Variants in RALYL observed in about 807,000 individuals in gnomAD.
RALYL encodes RALY RNA binding protein like, also known as RNA-binding Raly-like protein.
A neutral mutation model predicts 35.1 loss-of-function variants in RALYL; 29 were observed. That is an observed-to-expected ratio of 0.83 (90% confidence interval 0.61 to 1.13). The LOEUF is 1.13. Among genes scored for constraint, RALYL ranks in the 50% most tolerant of loss-of-function variants. The pLI, the probability that RALYL is intolerant of heterozygous loss-of-function variation, is 0.00. For missense variants in RALYL, 359 were observed against 360.4 expected (o/e 1.00, Z 0.03); for synonymous variants, 120 against 127.6 (o/e 0.94, Z 0.40).
At chr8:84,197,802 C>A (rs576644171) in intron 1 of RALYL, among the ~76,000 whole-genome samples, 1 of 151,262 alleles carries the variant, frequency 6.6e-6, no homozygotes, top group African/African-American at 2.4e-5. Context: ...AAAAAATAAG[C>A]GAAACTTATT....
intron 1 of RALYL, among the ~76,000 whole-genome samples, chr8:84,353,975 C>G (rs1228849430): frequency 6.7e-6 from 1 of 149,740 alleles, no homozygotes; most frequent in African/African-American, 2.5e-5. Flanking sequence ...TTTTGAAAGT[C>G]TGGAGTTGTT....
chr8:84,845,977 A>C (rs1420455756), intron 4 of RALYL, among the ~76,000 whole-genome samples: 2 of 152,066 alleles, frequency 1.3e-5, no homozygotes, highest in East Asian at 3.9e-4. Flanking sequence ...TAGGTTCTCT[A>C]TCCTGTTCCA....
At chr8:84,592,345 T>C (rs1444169221) in intron 2 of RALYL, among the ~76,000 whole-genome samples, 6 of 152,170 alleles carry the variant, frequency 3.9e-5, no homozygotes, top group African/African-American at 1.4e-4. Context: ...AAAATAACCG[T>C]GCTCACTCTC....
At chr8:84,498,673 T>C (rs139806198) in intron 1 of RALYL, among the ~76,000 whole-genome samples, 17 of 152,284 alleles carry the variant, frequency 1.1e-4, no homozygotes, top group African/African-American at 3.6e-4. Flanking sequence ...TTCTATCTTA[T>C]TCACATCCAC....
In RALYL at chr8:84,849,980, C is replaced by A. The variant is rs182622234; in HGVS notation, c.366C>A (p.Gly122=). The A allele has an allele frequency of 2.0e-6, 3 of 1,474,492 alleles. No individual in the cohort carries two copies. Among genetic ancestry groups the A allele is most frequent in the African/African-American group, 1.4e-5 (1 of 69,860 alleles). 91.3% of individuals were successfully genotyped at this position (1,474,492 alleles called of 1,614,324 possible). A position where few individuals can be genotyped will look rare whatever the true frequency, so the allele number is the denominator to read the frequency against. The change falls in exon 5 of 9, where the codon GGC becomes GGA. Residue 122 remains glycine (G), a splice_region_variant and synonymous_variant. Coordinates refer to ENST00000521268, the MANE Select transcript of RALYL (RefSeq NM_173848.7). ...CTAATTTTTTTGTTTCCCTCTTTAG[C>A]GGTTATGTCTTTGACTATGATTACT... is the stretch of plus-strand genomic sequence containing the variant. ...LESKEPFLSV[G]GYVFDYDYYR...
At chr8:84,703,634 A>T (rs1220474075) in intron 2 of RALYL, among the ~76,000 whole-genome samples, 2 of 152,168 alleles carry the variant, frequency 1.3e-5, no homozygotes, top group Non-Finnish European at 2.9e-5. Context: ...ACTGTATATA[A>T]TCAAATAGTA....
intron 8 of RALYL, among the ~76,000 whole-genome samples, chr8:84,915,855 G>A (rs567518359): frequency 6.6e-6 from 1 of 152,136 alleles, no homozygotes; most frequent in South Asian, 2.1e-4. Flanking sequence ...TGTGATTTCA[G>A]TTAAATGAAA....
intron 4 of RALYL, among the ~76,000 whole-genome samples, chr8:84,805,171 A>G (rs1306400495): frequency 3.3e-5 from 5 of 151,992 alleles, no homozygotes; most frequent in African/African-American, 1.2e-4. Context: ...TTTCTTTTCA[A>G]TCTACTCTAT....
At chr8:84,898,105 A>T (rs543271173) in intron 8 of RALYL, among the ~76,000 whole-genome samples, 2 of 152,362 alleles carry the variant, frequency 1.3e-5, no homozygotes, top group South Asian at 4.1e-4. Context: ...GGAAGTTGCC[A>T]GTTTAGTTTG....
At chr8:84,334,441 A>G (rs1297066748) in intron 1 of RALYL, among the ~76,000 whole-genome samples, 5 of 151,748 alleles carry the variant, frequency 3.3e-5, no homozygotes, top group Admixed American at 6.6e-5. Context: ...TCTTTTATAC[A>G]TAAATGCTTC....
chr8:84,314,963 T>C (rs1283218452), intron 1 of RALYL, among the ~76,000 whole-genome samples: 1 of 152,208 alleles, frequency 6.6e-6, no homozygotes, highest in African/African-American at 2.4e-5. Context: ...CTTTGGTGCA[T>C]AACTTTGGAG....
At chr8:84,609,836 A>G (rs556584478) in intron 2 of RALYL, among the ~76,000 whole-genome samples, 2 of 152,304 alleles carry the variant, frequency 1.3e-5, no homozygotes, top group South Asian at 4.1e-4. Flanking sequence ...ATGGACTCAC[A>G]GTTCCACGTG....
At chr8:84,682,399 A>T (rs189016392) in intron 2 of RALYL, among the ~76,000 whole-genome samples, 1 of 152,342 alleles carries the variant, frequency 6.6e-6, no homozygotes, top group East Asian at 1.9e-4. Context: ...TGATTGGAAT[A>T]GTTTCAGAAG....
chr8:84,600,046 G>C (rs1242710345), intron 2 of RALYL, among the ~76,000 whole-genome samples: 1 of 151,780 alleles, frequency 6.6e-6, no homozygotes, highest in Non-Finnish European at 1.5e-5. Context: ...AGACTGATCG[G>C]TAATATCCTA....
chr8:84,879,263 G>C (rs1341186154), intron 7 of RALYL, among the ~76,000 whole-genome samples: 1 of 152,018 alleles, frequency 6.6e-6, no homozygotes, highest in Non-Finnish European at 1.5e-5. Flanking sequence ...TGGTTGAGAA[G>C]GAGGGGTAAG....
chr8:84,426,926 A>G (rs2046545751), intron 1 of RALYL, among the ~76,000 whole-genome samples: 2 of 152,104 alleles, frequency 1.3e-5, no homozygotes, highest in Non-Finnish European at 2.9e-5. Flanking sequence ...AAATGGAACT[A>G]CCATATGATC....
At chr8:84,410,194 CT>C (rs1034789914) in intron 1 of RALYL, among the ~76,000 whole-genome samples, 1 of 151,848 alleles carries the variant, frequency 6.6e-6, no homozygotes, top group Non-Finnish European at 1.5e-5. Context: ...TATATGCTTT[CT>C]TTTTTGTTCA....
chr8:84,265,679 G>A (rs1312623063), intron 1 of RALYL, among the ~76,000 whole-genome samples: 1 of 147,022 alleles, frequency 6.8e-6, no homozygotes, highest in Admixed American at 6.7e-5. Flanking sequence ...AACTTGGATT[G>A]TTTAAAACAC....
chr8:84,374,738 G>A (rs56186296), intron 1 of RALYL, among the ~76,000 whole-genome samples: 1,798 of 151,812 alleles, frequency 0.012, 41 homozygotes, highest in African/African-American at 0.041. Flanking sequence ...GGATAGGATC[G>A]GAAAAAGTAA....
Sources: allele counts gnomAD v4.1 joint callset (sites outside exome capture counted in the v4.1 genomes callset), GRCh38; gene constraint gnomAD v4.1.1; transcripts MANE v1.5; gene names NCBI Gene and HGNC (gene_info 2026-07-23, HGNC 2026-07-21).